Variants in CEP126 observed in about 807,000 individuals in gnomAD.
CEP126 encodes the protein centrosomal protein 126.
CEP126 carries 74 observed loss-of-function variants against 107.8 expected under a neutral mutation model. The observed-to-expected ratio is 0.69, with a 90% CI of 0.57 to 0.83. The LOEUF (loss-of-function observed/expected upper bound fraction) is 0.83. Among genes scored for constraint, CEP126 ranks in the 40% least tolerant of loss-of-function variants. The pLI, the probability that CEP126 is intolerant of heterozygous loss-of-function variation, is 0.00. For missense variants in CEP126, 1,237 were observed against 1,281.9 expected (o/e 0.96, Z 0.53); for synonymous variants, 449 against 446.0 (o/e 1.01, Z -0.08).
chr11:101,927,353 G>A (rs1051702294), intron 2 of CEP126, among the ~76,000 whole-genome samples: 26 of 152,060 alleles, frequency 1.7e-4, no homozygotes, highest in African/African-American at 6.3e-4. Context: ...TTATTTTGAG[G>A]TAATTGTAGA....
In CEP126 at chr11:101,915,360, G is replaced by C. The variant is rs146972831; in HGVS notation, c.76G>C (p.Ala26Pro). The C allele has an allele frequency of 3.7e-6, 6 of 1,613,826 alleles. No individual in the cohort carries two copies. In the African/African-American group the frequency reaches 4.0e-5, roughly 11 times the overall value. ...GTESSDNLDR[A>P]PLGPRESGGH... ...TGAATCATCGGACAACCTCGACAGA[G>C]CCCCCCTCGGCCCTCGGGAGAGCGG... Residue 26 changes from alanine to proline, a missense_variant, in exon 1 of 11, where the codon GCC becomes CCC. Physicochemically the swap from Ala to Pro is conservative, Grantham distance 27. Transcript: ENST00000263468.
At chr11:101,944,179 A>G in intron 2 of CEP126, 86 bp from the exon 3 acceptor site, 3 of 1,219,020 alleles carry the variant, frequency 2.5e-6, no homozygotes, top group Non-Finnish European at 3.3e-6. Context: ...ATATGAAAAC[A>G]TTGTTATATA....
intron 2 of CEP126, among the ~76,000 whole-genome samples, chr11:101,935,142 A>C (rs1412680817): frequency 6.6e-6 from 1 of 151,906 alleles, no homozygotes; most frequent in South Asian, 2.1e-4. Context: ...TAAGTTTTTT[A>C]ATGAAATATC....
At chr11:101,951,038 A>G (rs1940805384) in intron 4 of CEP126, among the ~76,000 whole-genome samples, 1 of 152,212 alleles carries the variant, frequency 6.6e-6, no homozygotes, top group Non-Finnish European at 1.5e-5. Flanking sequence ...TACTGCCTAA[A>G]CCAGAACAGT....
chr11:101,972,149 C>T (rs1006182289), intron 6 of CEP126, among the ~76,000 whole-genome samples: 7 of 151,596 alleles, frequency 4.6e-5, no homozygotes, highest in Non-Finnish European at 7.4e-5. Flanking sequence ...GAAAAATTGC[C>T]GGGCGTGGTG....
At chr11:101,934,291 A>G (rs1242779784) in intron 2 of CEP126, among the ~76,000 whole-genome samples, 2 of 152,030 alleles carry the variant, frequency 1.3e-5, no homozygotes, top group African/African-American at 4.8e-5. Flanking sequence ...TAGACCATTC[A>G]TCCAACCTAA....
chr11:101,962,999 C>A lies in CEP126; in HGVS notation c.1964C>A (p.Thr655Lys), dbSNP rs1941002256. The stretch of plus-strand genomic sequence containing the variant: ...CATTCACTGAAGAATAAAACAGGAA[C>A]AACTCAACAGCATTCTCAACAATTC... ...NSHSLKNKTG[T>K]TQQHSQQFHI... Residue 655 changes from threonine (T) to lysine (K), a missense_variant, in exon 6 of 11, where the codon ACA becomes AAA. Transcript: ENST00000263468. 1 of 1,613,454 alleles carries A rather than the reference C, an allele frequency of 6.2e-7. No homozygotes were observed. The highest frequency in any genetic ancestry group is 1.1e-5 in the South Asian group (1 of 90,886).
intron 3 of CEP126, among the ~76,000 whole-genome samples, chr11:101,945,334 A>T (rs1323134871): frequency 6.6e-6 from 1 of 152,226 alleles, no homozygotes; most frequent in East Asian, 1.9e-4. Context: ...ATTTCAGTGT[A>T]TCTGAAGCAT....
rs755044373 is a variant in CEP126, at chr11:101,944,397, G to A, written c.381G>A (p.Gln127=). ...KFQRAHVPLS[Q]RRKAVSRKPV... Reference sequence around the variant, plus strand: ...AGCGTGCCCATGTTCCTCTTTCACAGCGGAGGAAAGCAGGTGCCTTAATTT... The same window carrying A: ...AGCGTGCCCATGTTCCTCTTTCACAACGGAGGAAAGCAGGTGCCTTAATTT... The change falls in exon 3 of 11, where the codon CAG becomes CAA. Residue 127 remains glutamine, a synonymous_variant. Coordinates refer to ENST00000263468, the MANE Select transcript of CEP126 (RefSeq NM_020802.4). 1.2e-6 allele frequency: 2 copies of A among 1,609,210 alleles called. No individual in the cohort carries two copies. The highest frequency in any genetic ancestry group is 1.7e-6 in the Non-Finnish European group (2 of 1,178,498).
intron 6 of CEP126, among the ~76,000 whole-genome samples, chr11:101,973,556 C>T (rs896430882): frequency 2.6e-5 from 4 of 152,180 alleles, no homozygotes; most frequent in Middle Eastern, 3.4e-3. Context: ...CTAATGCATC[C>T]GGGGCTTAAT....
chr11:101,924,590 C>T (rs1392525939), intron 2 of CEP126, among the ~76,000 whole-genome samples: 2 of 152,104 alleles, frequency 1.3e-5, no homozygotes, highest in African/African-American at 2.4e-5. Flanking sequence ...CTCAACCCCC[C>T]GAATAGCTGG....
intron 9 of CEP126, among the ~76,000 whole-genome samples, chr11:101,991,963 C>T (rs956094782): frequency 6.6e-6 from 1 of 152,006 alleles, no homozygotes; most frequent in Non-Finnish European, 1.5e-5. Context: ...GGTTAGTTAC[C>T]TCTTTGGGTG....
intron 6 of CEP126, among the ~76,000 whole-genome samples, chr11:101,968,638 G>C (rs1247606533): frequency 6.6e-6 from 1 of 152,158 alleles, no homozygotes; most frequent in Non-Finnish European, 1.5e-5. Context: ...CCCATATCTA[G>C]AGGAGCAAAT....
At position 101,962,765 on chromosome 11, in the gene CEP126, G is replaced by T; in HGVS notation, c.1730G>T (p.Ser577Ile). Reference sequence around the variant, plus strand: ...AGAAATGGTGTGAGATTTCTTAAAAGTATTTTAAAGAAAGAATCTAAATAT... The same window carrying T: ...AGAAATGGTGTGAGATTTCTTAAAATTATTTTAAAGAAAGAATCTAAATAT... ...HERNGVRFLK[S>I]ILKKESKYEH... The change falls in exon 6 of 11, where the codon AGT becomes ATT. Residue 577 changes from serine (S) to isoleucine (I), a missense_variant. Coordinates refer to ENST00000263468, the MANE Select transcript of CEP126 (RefSeq NM_020802.4). 1.2e-6 allele frequency: 2 copies of T among 1,605,176 alleles called. 1 individual carries two copies. The highest frequency in any genetic ancestry group is 1.7e-6 in the Non-Finnish European group (2 of 1,177,346).
chr11:101,959,994 G>A (rs1940950714), intron 5 of CEP126, among the ~76,000 whole-genome samples: 1 of 152,034 alleles, frequency 6.6e-6, no homozygotes, highest in Admixed American at 6.6e-5. Flanking sequence ...AACCATCGCT[G>A]GAAATGTTTC....
chr11:101,925,452 A>G (rs751449778), intron 2 of CEP126, among the ~76,000 whole-genome samples: 1 of 151,820 alleles, frequency 6.6e-6, no homozygotes, highest in Non-Finnish European at 1.5e-5. Context: ...AATCTGTTCT[A>G]CCAGTAAACT....
chr11:101,980,887 G>A (rs1440191287), intron 7 of CEP126, among the ~76,000 whole-genome samples: 1 of 152,244 alleles, frequency 6.6e-6, no homozygotes, highest in Admixed American at 6.5e-5. Flanking sequence ...TCTACTGAAG[G>A]AGAGCTGTTG....
At chr11:101,924,792 C>CA (rs1194266264) in intron 2 of CEP126, among the ~76,000 whole-genome samples, 6 of 152,048 alleles carry the variant, frequency 3.9e-5, no homozygotes, top group African/African-American at 1.4e-4. Flanking sequence ...CAGGTAGAGA[C>CA]AGTCTCCTGC....
At chr11:101,973,825 A>C (rs1357119812) in intron 6 of CEP126, among the ~76,000 whole-genome samples, 1 of 152,188 alleles carries the variant, frequency 6.6e-6, no homozygotes, top group Non-Finnish European at 1.5e-5. Context: ...TTAGTTGAAC[A>C]TTTTATATGT....
Sources: gnomAD v4.1 joint callset for allele counts (sites outside exome capture counted in the v4.1 genomes callset) on GRCh38, gnomAD v4.1.1 for gene constraint, MANE v1.5 for transcripts, NCBI Gene and HGNC (gene_info 2026-07-23, HGNC 2026-07-21) for gene names.